Variants in MINDY4 observed in about 807,000 individuals in gnomAD.
The protein encoded by MINDY4 is MINDY lysine 48 deubiquitinase 4.
Under a neutral mutation model 87.0 loss-of-function variants are expected in MINDY4, and 68 were observed. The observed-to-expected ratio is 0.78, with a 90% confidence interval of 0.64 to 0.96. The LOEUF (loss-of-function observed/expected upper bound fraction) is 0.96, where lower values mean the gene tolerates loss of function less well. MINDY4 is among the 40% of genes least tolerant of loss of function. The pLI, the probability that MINDY4 is intolerant of heterozygous loss-of-function variation, is 0.00. For synonymous variants in MINDY4, 379 were observed against 363.2 expected (o/e 1.04, Z -0.50); for missense variants, 919 against 928.2 (o/e 0.99, Z 0.13).
chr7:30,858,016 G>C (rs924456602), intron 12 of MINDY4: 2 of 152,232 alleles, frequency 1.3e-5, no homozygotes, highest in Non-Finnish European at 2.9e-5. Context: ...TTCATTGTCT[G>C]TTCCAGGAGA....
intron 14 of MINDY4, among the ~76,000 whole-genome samples, chr7:30,873,103 GT>G (rs953157293): frequency 1.3e-5 from 2 of 152,210 alleles, no homozygotes; most frequent in Non-Finnish European, 2.9e-5. Context: ...GGAAACCTAC[GT>G]GGGCACCATA....
At chr7:30,839,946 C>A (rs918010507) in intron 8 of MINDY4, among the ~76,000 whole-genome samples, 7 of 152,120 alleles carry the variant, frequency 4.6e-5, no homozygotes, top group Admixed American at 3.9e-4. Flanking sequence ...TTGAGCAGGG[C>A]AGCTTGGTCC....
chr7:30,801,905 C>T (rs77101005), intron 5 of MINDY4, among the ~76,000 whole-genome samples: 1,927 of 152,316 alleles, frequency 0.013, 17 homozygotes, highest in Middle Eastern at 0.048. Context: ...CTGTGGACAT[C>T]AGCATGGCAG....
chr7:30,881,709 A>G (rs550025562), intron 15 of MINDY4, among the ~76,000 whole-genome samples: 1 of 152,196 alleles, frequency 6.6e-6, no homozygotes, highest in Admixed American at 6.5e-5. Flanking sequence ...TTCTGCTCCA[A>G]CAAGGGATTT....
chr7:30,835,881 G>A (rs1052796969), intron 6 of MINDY4, among the ~76,000 whole-genome samples: 3 of 152,218 alleles, frequency 2.0e-5, no homozygotes, highest in African/African-American at 7.2e-5. Flanking sequence ...CTTAGCTAAC[G>A]GGGAAGTCAC....
rs1220017353 is a variant in MINDY4 at position 30,791,522 on chromosome 7, G to A, written c.1021G>A (p.Glu341Lys). 5.0e-6 allele frequency: 8 copies of A among 1,613,698 alleles called. No individual in the cohort carries two copies. The Admixed American group carries it at 5.0e-5, about 10-fold the overall frequency. Reference protein sequence around the residue: ...LPGGNSRMTQERLERAFKRQG... With the variant: ...LPGGNSRMTQKRLERAFKRQG... ...TGGTGGTAATTCCAGGATGACCCAG[G>A]AGAGGCTGGAAAGAGCGTTCAAACG... The change falls in exon 5 of 18, where the codon GAG becomes AAG. Residue 341 changes from glutamate (E) to lysine (K), a missense_variant. Transcript: ENST00000265299.
intron 15 of MINDY4, among the ~76,000 whole-genome samples, chr7:30,878,914 C>G (rs1790371333): frequency 6.6e-6 from 1 of 152,228 alleles, no homozygotes; most frequent in Admixed American, 6.5e-5. Flanking sequence ...GTCAGAGCCA[C>G]CAGCATCGCT....
At chr7:30,781,564 T>G (rs1041322224) in intron 2 of MINDY4, 1 of 165,350 alleles carries the variant, frequency 6.0e-6, no homozygotes, top group African/African-American at 2.4e-5. Context: ...TAAAAAAATA[T>G]TCAGGCTGCA....
chr7:30,881,770 C>T (rs551842025), intron 15 of MINDY4, among the ~76,000 whole-genome samples: 1 of 152,296 alleles, frequency 6.6e-6, no homozygotes, highest in African/African-American at 2.4e-5. Flanking sequence ...AGTGGACAAG[C>T]TGAATTTGTT....
At chr7:30,852,830 T>C (rs1562554466) in intron 11 of MINDY4, among the ~76,000 whole-genome samples, 3 of 152,266 alleles carry the variant, frequency 2.0e-5, no homozygotes, top group Admixed American at 6.5e-5. Flanking sequence ...AATTTTTGTT[T>C]TAACAAATTA....
At chr7:30,887,171 C>T (rs1197814364) in intron 17 of MINDY4, among the ~76,000 whole-genome samples, 2 of 152,210 alleles carry the variant, frequency 1.3e-5, no homozygotes, top group Admixed American at 6.5e-5. Flanking sequence ...GTTCAGCTTC[C>T]ATGCTGACCA....
chr7:30,823,593 C>G (rs567049535), intron 5 of MINDY4, among the ~76,000 whole-genome samples: 2 of 152,190 alleles, frequency 1.3e-5, no homozygotes, highest in East Asian at 3.9e-4. Flanking sequence ...TCAAAACTGC[C>G]CATTCTTTTT....
At chr7:30,808,988 A>C (rs1666221439) in intron 5 of MINDY4, among the ~76,000 whole-genome samples, 1 of 152,030 alleles carries the variant, frequency 6.6e-6, no homozygotes, top group African/African-American at 2.4e-5. Flanking sequence ...AAATGGGAAA[A>C]GGAAAAAGAG....
rs374569686 is a variant in MINDY4, at chr7:30,772,835, A to G, written c.63+1279A>G. 1.3e-4 allele frequency among the ~76,000 whole-genome samples: 20 copies of G among 152,244 alleles called. 1 individual carries two copies. Among genetic ancestry groups the G allele is most frequent in the African/African-American group, 4.8e-4 (20 of 41,536 alleles). ...ACATCATTTCTTTTAAGTCTGGGTC[A>G]CTGAAAAAAACTCTTAGAGAGGGCT... On this transcript the variant is annotated intron_variant, in intron 1 of 17. Transcript: ENST00000265299.
chr7:30,773,469 C>T (rs1308478737), intron 1 of MINDY4, among the ~76,000 whole-genome samples: 1 of 152,188 alleles, frequency 6.6e-6, no homozygotes, highest in Non-Finnish European at 1.5e-5. Flanking sequence ...TCTGGCTACC[C>T]TCAGACCTCA....
chr7:30,779,659 G>C (rs560877249), intron 2 of MINDY4: 5 of 152,346 alleles, frequency 3.3e-5, no homozygotes, highest in South Asian at 2.1e-4. Context: ...TCTCTCAGGA[G>C]GGGGAGCTGT....
At chr7:30,883,121 G>A in intron 17 of MINDY4, 128 bp downstream of exon 17, 1 of 864,212 alleles carries the variant, frequency 1.2e-6, no homozygotes, top group East Asian at 2.5e-5. Flanking sequence ...GAGGTGTGGT[G>A]ATTGGAAAGA....
At chr7:30,882,577 C>T (rs1562566180) in intron 16 of MINDY4, among the ~76,000 whole-genome samples, 2 of 152,166 alleles carry the variant, frequency 1.3e-5, no homozygotes, top group African/African-American at 2.4e-5. Context: ...GCATTAAGGG[C>T]GTTGGGTAAA....
chr7:30,875,675 TCAC>T lies in MINDY4; in HGVS notation c.1971+23_1971+25del, dbSNP rs770346698. On this transcript the variant is annotated intron_variant, in intron 15 of 17. Coordinates refer to ENST00000265299, the MANE Select transcript of MINDY4 (RefSeq NM_032222.3). ...GTGCCAGGTACCCAGATGCTCACGT[TCAC>T]CACAAGTAGGGGAGCCTGACTCTCT... The T allele has an allele frequency of 3.1e-6, 5 of 1,589,908 alleles. No individual in the cohort carries two copies. In the Admixed American group the frequency reaches 8.5e-5, roughly 27 times the overall value.
Sources: allele counts gnomAD v4.1 joint callset (sites outside exome capture counted in the v4.1 genomes callset), GRCh38; gene constraint gnomAD v4.1.1; transcripts MANE v1.5; gene names NCBI Gene and HGNC (gene_info 2026-07-23, HGNC 2026-07-21).